OSBPL10: variants seen among roughly 807,000 people sequenced by gnomAD.
OSBPL10 encodes oxysterol binding protein like 10.
Under a neutral mutation model 81.7 loss-of-function variants are expected in OSBPL10, and 49 were observed. The observed-to-expected ratio is 0.60, with a 90% CI of 0.48 to 0.76. The LOEUF (loss-of-function observed/expected upper bound fraction) is 0.76. Ranked by LOEUF, OSBPL10 falls within the 30% of genes least tolerant of loss-of-function variation. The pLI is 0.00. For missense variants in OSBPL10, 923 were observed against 987.8 expected (o/e 0.93, Z 0.88); for synonymous variants, 419 against 383.6 (o/e 1.09, Z -1.08).
intron 1 of OSBPL10, among the ~76,000 whole-genome samples, chr3:32,046,998 C>A (rs1302436014): frequency 6.6e-6 from 1 of 152,122 alleles, no homozygotes; most frequent in African/African-American, 2.4e-5. Context: ...CTAGTGAAAG[C>A]AAGTTTGTTT....
intron 5 of OSBPL10, among the ~76,000 whole-genome samples, chr3:31,737,303 C>T (rs1230559271): frequency 6.6e-6 from 1 of 152,074 alleles, no homozygotes; most frequent in Non-Finnish European, 1.5e-5. Flanking sequence ...AACATTCTTA[C>T]GTGGAGTGAA....
intron 4 of OSBPL10, among the ~76,000 whole-genome samples, chr3:31,779,587 T>C (rs776984266): frequency 2.0e-5 from 3 of 151,244 alleles, no homozygotes; most frequent in Non-Finnish European, 2.9e-5. Context: ...AGAAATTAGA[T>C]AGCAATACAA....
At chr3:31,874,748 G>A (rs947016973) in intron 3 of OSBPL10, among the ~76,000 whole-genome samples, 2 of 152,128 alleles carry the variant, frequency 1.3e-5, no homozygotes, top group African/African-American at 4.8e-5. Flanking sequence ...TTACAGAACT[G>A]GTGGGAGTAC....
intron 1 of OSBPL10, among the ~76,000 whole-genome samples, chr3:31,936,633 A>G (rs544228464): frequency 1.5e-3 from 232 of 152,308 alleles, no homozygotes; most frequent in African/African-American, 5.4e-3. Context: ...TTGCCAAGAA[A>G]AGTCAGTGGT....
intron 4 of OSBPL10, among the ~76,000 whole-genome samples, chr3:31,768,985 C>T (rs946366274): frequency 6.6e-6 from 1 of 152,132 alleles, no homozygotes; most frequent in Non-Finnish European, 1.5e-5. Context: ...ACACCTTTGG[C>T]AGACACTGCA....
intron 2 of OSBPL10, among the ~76,000 whole-genome samples, chr3:32,031,160 T>G (rs1699463896): frequency 6.8e-6 from 1 of 147,652 alleles, no homozygotes; most frequent in South Asian, 2.1e-4. Context: ...AGAGACTCCA[T>G]CTCAAAAAAA....
chr3:31,990,915 T>C, intron 2 of OSBPL10: 1 of 1,574,914 alleles, frequency 6.3e-7, no homozygotes, highest in African/African-American at 1.4e-5. Flanking sequence ...GCATTAGACA[T>C]CAGAGAATCC....
At chr3:32,021,437 G>A (rs1444346986) in intron 2 of OSBPL10, among the ~76,000 whole-genome samples, 1 of 152,140 alleles carries the variant, frequency 6.6e-6, no homozygotes, top group Non-Finnish European at 1.5e-5. Flanking sequence ...TATCTGCACC[G>A]TTTTAACTTC....
chr3:31,850,681 G>A (rs1398905796), intron 3 of OSBPL10, among the ~76,000 whole-genome samples: 2 of 152,114 alleles, frequency 1.3e-5, no homozygotes, highest in African/African-American at 4.8e-5. Context: ...CATAAAGCTG[G>A]CAATTATACT....
intron 3 of OSBPL10, among the ~76,000 whole-genome samples, chr3:31,871,370 G>T (rs1408585539): frequency 6.6e-6 from 1 of 151,974 alleles, no homozygotes; most frequent in East Asian, 1.9e-4. Flanking sequence ...GCGAGACTAT[G>T]AACCCACCAG....
intron 6 of OSBPL10, among the ~76,000 whole-genome samples, chr3:31,708,136 T>C (rs946226433): frequency 1.3e-5 from 2 of 152,176 alleles, no homozygotes; most frequent in Non-Finnish European, 2.9e-5. Context: ...AGGGTCTTGC[T>C]ATGTTGCCAA....
intron 1 of OSBPL10, among the ~76,000 whole-genome samples, chr3:31,931,935 C>T (rs1470379412): frequency 6.6e-6 from 1 of 151,972 alleles, no homozygotes; most frequent in South Asian, 2.1e-4. Context: ...CCAGCTAATC[C>T]GGAGGCTGAA....
chr3:31,972,110 C>T (rs774141396), intron 1 of OSBPL10, among the ~76,000 whole-genome samples: 7 of 152,208 alleles, frequency 4.6e-5, no homozygotes, highest in Non-Finnish European at 7.3e-5. Flanking sequence ...AACTCTGGGC[C>T]GGGCACAGTG....
At chr3:31,720,790 T>A (rs1025970281) in intron 6 of OSBPL10, among the ~76,000 whole-genome samples, 2 of 148,572 alleles carry the variant, frequency 1.3e-5, no homozygotes, top group Admixed American at 6.9e-5. Context: ...ATCCTAGCTA[T>A]TGGGGAGGCT....
chr3:32,034,044 G>A (rs72855555), intron 2 of OSBPL10, among the ~76,000 whole-genome samples: 2,358 of 152,196 alleles, frequency 0.015, 56 homozygotes, highest in African/African-American at 0.053. Context: ...TTCTTCACAG[G>A]GCAGAAGGAT....
intron 4 of OSBPL10, among the ~76,000 whole-genome samples, chr3:31,792,770 T>TGTGTGTGTGC (rs1553626271): frequency 7.2e-6 from 1 of 138,630 alleles, no homozygotes; most frequent in Non-Finnish European, 1.5e-5. Flanking sequence ...TGTGTGTGTG[T>TGTGTGTGTGC]GTGTGTAAAA....
At chr3:32,050,593 A>C (rs1005140416) in intron 1 of OSBPL10, among the ~76,000 whole-genome samples, 9 of 152,198 alleles carry the variant, frequency 5.9e-5, no homozygotes, top group Non-Finnish European at 1.2e-4. Context: ...TACTTTTGGT[A>C]AAGTTCAAAG....
At chr3:31,871,127 C>T (rs566820186) in intron 3 of OSBPL10, among the ~76,000 whole-genome samples, 22 of 152,314 alleles carry the variant, frequency 1.4e-4, no homozygotes, top group Non-Finnish European at 2.5e-4. Flanking sequence ...TTCCCGTCCC[C>T]TTCTGCACTG....
chr3:31,897,426 A>G (rs1696088002), intron 1 of OSBPL10, among the ~76,000 whole-genome samples: 1 of 152,220 alleles, frequency 6.6e-6, no homozygotes, highest in Non-Finnish European at 1.5e-5. Flanking sequence ...ACATCCTTCC[A>G]CAGCGGTTCC....
Sources: gnomAD v4.1 joint callset for allele counts (sites outside exome capture counted in the v4.1 genomes callset) on GRCh38, gnomAD v4.1.1 for gene constraint, MANE v1.5 for transcripts, NCBI Gene and HGNC (gene_info 2026-07-23, HGNC 2026-07-21) for gene names.